RYR3: variants seen among roughly 807,000 people sequenced by gnomAD.
RYR3 encodes brain ryanodine receptor-calcium release channel.
Under a neutral mutation model 584.3 loss-of-function variants are expected in RYR3, and 207 were observed. That is an observed-to-expected ratio of 0.35 (90% confidence interval 0.32 to 0.40). RYR3 has a LOEUF of 0.40. Ranked by LOEUF, RYR3 falls within the 10% of genes least tolerant of loss-of-function variation. The pLI, the probability that RYR3 is intolerant of heterozygous loss-of-function variation, is 1.00. For synonymous variants in RYR3, 2,416 were observed against 2,248.5 expected (o/e 1.07, Z -2.11); for missense variants, 5,616 against 6,089.2 (o/e 0.92, Z 2.59).
chr15:33,727,555 C>T (rs1460966994), intron 46 of RYR3, among the ~76,000 whole-genome samples: 1 of 152,138 alleles, frequency 6.6e-6, no homozygotes, highest in Non-Finnish European at 1.5e-5. Flanking sequence ...ACATAAAACA[C>T]TAACTAATAT....
intron 38 of RYR3, among the ~76,000 whole-genome samples, chr15:33,686,090 A>C (rs1566949839): frequency 6.6e-6 from 1 of 152,226 alleles, no homozygotes; most frequent in Non-Finnish European, 1.5e-5. Flanking sequence ...AATAACTAAG[A>C]TCAGAGCAGA....
chr15:33,567,919 T>C lies in RYR3; in HGVS notation c.1268+1120T>C, dbSNP rs1166915645. ...CACATGCTAGATTTATCTGGGGAGGTTTTAATACCCTGATGCCCAGGCTAC... is the reference window on the plus strand; with the variant it reads ...CACATGCTAGATTTATCTGGGGAGGCTTTAATACCCTGATGCCCAGGCTAC... On this transcript the variant is annotated intron_variant, in intron 12 of 103. Transcript: ENST00000634891. Among the ~76,000 whole-genome samples the C allele has an allele frequency of 4.6e-5, 7 of 151,964 alleles. 1 individual carries two copies. In the South Asian group the frequency reaches 1.0e-3, roughly 23 times the overall value.
chr15:33,807,986 G>A (rs866660209), intron 70 of RYR3, among the ~76,000 whole-genome samples: 2 of 152,186 alleles, frequency 1.3e-5, no homozygotes, highest in Middle Eastern at 3.2e-3. Flanking sequence ...CCTGCATCCT[G>A]TATAAGGCTC....
intron 1 of RYR3, among the ~76,000 whole-genome samples, chr15:33,405,152 AT>A (rs2042938458): frequency 6.6e-6 from 1 of 152,248 alleles, no homozygotes; most frequent in Non-Finnish European, 1.5e-5. Context: ...TGTCAAACAT[AT>A]AAAACTTTGG....
chr15:33,762,100 A>G (rs55651348), intron 60 of RYR3, among the ~76,000 whole-genome samples: 22,947 of 152,162 alleles, frequency 0.15, 1,994 homozygotes, highest in South Asian at 0.26. Context: ...GTGTTGATGG[A>G]AAATATCTCA....
chr15:33,349,593 A>ATT (rs200905535), intron 1 of RYR3, among the ~76,000 whole-genome samples: 17 of 135,708 alleles, frequency 1.3e-4, no homozygotes, highest in South Asian at 6.9e-4. Context: ...TTTTCTTCAG[A>ATT]TTTTTTTTTT....
intron 65 of RYR3, among the ~76,000 whole-genome samples, chr15:33,784,371 G>A (rs980797814): frequency 1.3e-5 from 2 of 152,186 alleles, no homozygotes; most frequent in African/African-American, 4.8e-5. Context: ...AAGACCTCAA[G>A]CCAATGGTAA....
rs138551524 is a variant in RYR3 at position 33,613,821 on chromosome 15, TTA to T, written c.2357+448_2357+449del. Among the ~76,000 whole-genome samples the T allele has an allele frequency of 5.0e-3, 764 of 152,324 alleles. 9 individuals are homozygous for T. The highest frequency in any genetic ancestry group is 0.017 in the African/African-American group (710 of 41,584). On this transcript the variant is annotated intron_variant, in intron 19 of 103. Coordinates refer to ENST00000634891, the MANE Select transcript of RYR3 (RefSeq NM_001036.6). ...ATTGGTATTACACCGAATATGAAGT[TTA>T]TGTCTTGATTATCTTTTATTCAACA... is the stretch of plus-strand genomic sequence containing the variant.
chr15:33,655,891 ACTGG>A (rs1272664818), intron 32 of RYR3, among the ~76,000 whole-genome samples: 1 of 152,180 alleles, frequency 6.6e-6, no homozygotes, highest in Non-Finnish European at 1.5e-5. Flanking sequence ...ATATTTATAC[ACTGG>A]CTTTCAGATT....
At chr15:33,464,491 C>CTAT (rs2048315699) in intron 1 of RYR3, among the ~76,000 whole-genome samples, 1 of 89,102 alleles carries the variant, frequency 1.1e-5, no homozygotes, top group Non-Finnish European at 2.0e-5. Flanking sequence ...TATATATATA[C>CTAT]ACATATATAT....
intron 6 of RYR3, 137 bp downstream of exon 6, chr15:33,539,599 T>C (rs2055636775): frequency 1.8e-6 from 1 of 541,244 alleles, no homozygotes. Context: ...CCTTAAACAA[T>C]GTAGGGGTTA....
At chr15:33,735,453 C>T (rs1454204096) in intron 48 of RYR3, among the ~76,000 whole-genome samples, 1 of 152,162 alleles carries the variant, frequency 6.6e-6, no homozygotes, top group Non-Finnish European at 1.5e-5. Flanking sequence ...TCAGCTTTAC[C>T]TCCTTAGCTC....
At position 33,840,853 on chromosome 15, in the gene RYR3, C is replaced by T. The variant is rs1461962771; in HGVS notation, c.13007C>T (p.Ala4336Val). 1.2e-6 allele frequency: 2 copies of T among 1,613,856 alleles called. No individual in the cohort carries two copies. The highest frequency in any genetic ancestry group is 1.1e-5 in the South Asian group (1 of 91,040). The change falls in exon 90 of 104, where the codon GCA (alanine) becomes GTA (valine). Residue 4336 changes from alanine (A) to valine (V), a missense_variant. Physicochemically the swap from Ala to Val is moderately conservative, Grantham distance 64. Transcript: ENST00000634891. The part of the protein sequence containing the change: ...QAAEMKAANE[A>V]EGKVESEKAD... ...GCAGAAATGAAAGCAGCAAATGAAG[C>T]AGAAGGAAAAGTAGAATCCGAGAAG...
chr15:33,781,834 C>T (rs193234927), intron 65 of RYR3, among the ~76,000 whole-genome samples: 40 of 139,692 alleles, frequency 2.9e-4, no homozygotes, highest in Admixed American at 6.6e-4. Flanking sequence ...CCTTTCTTCC[C>T]TTTGAAATTA....
intron 19 of RYR3, among the ~76,000 whole-genome samples, chr15:33,619,532 C>T (rs937304): frequency 0.86 from 130,860 of 152,164 alleles, 57,750 homozygotes; most frequent in Non-Finnish European, 0.95. Flanking sequence ...AACTTTATTG[C>T]TTCTTCTTCT....
At chr15:33,794,154 A>ATTT (rs1161105823) in intron 67 of RYR3, among the ~76,000 whole-genome samples, 4 of 79,878 alleles carry the variant, frequency 5.0e-5, no homozygotes, top group African/African-American at 9.5e-5. Context: ...ATAAATATAT[A>ATTT]ATATATAATA....
At chr15:33,385,710 C>CTTTTTTTTTTTTTTTTTTTCTTTTT (rs10682215) in intron 1 of RYR3, among the ~76,000 whole-genome samples, 13 of 131,402 alleles carry the variant, frequency 9.9e-5, no homozygotes, top group Non-Finnish European at 1.2e-4. Context: ...TTTTTCTTTT[C>CTTTTTTTTTTTTTTTTTTTCTTTTT]TTTTTTTTTT....
rs2076209452 is a variant in RYR3, at chr15:33,806,380, G to A, written c.10012-1175G>A. 4.6e-5 allele frequency among the ~76,000 whole-genome samples: 7 copies of A among 152,050 alleles called. 1 individual carries two copies. Among genetic ancestry groups the A allele is most frequent in the Admixed American group, 3.3e-4 (5 of 15,260 alleles). Reference sequence around the variant, plus strand: ...TTTCTATTAAGAAAATAAAACATGGGCCAGTGTCGTGCCTGTAATCCCAGT... The same window carrying A: ...TTTCTATTAAGAAAATAAAACATGGACCAGTGTCGTGCCTGTAATCCCAGT... On this transcript the variant is annotated intron_variant, in intron 69 of 103. Coordinates refer to ENST00000634891, the MANE Select transcript of RYR3 (RefSeq NM_001036.6).
intron 87 of RYR3, among the ~76,000 whole-genome samples, chr15:33,836,163 T>C (rs1869854968): frequency 1.5e-5 from 2 of 133,418 alleles, no homozygotes; most frequent in African/African-American, 5.7e-5. Context: ...CTTTTGCTTT[T>C]TTTTTATTAT....
Sources: allele counts gnomAD v4.1 joint callset (sites outside exome capture counted in the v4.1 genomes callset), GRCh38; gene constraint gnomAD v4.1.1; transcripts MANE v1.5; gene names NCBI Gene and HGNC (gene_info 2026-07-23, HGNC 2026-07-21).